The following NLRP11 variants were observed in gnomAD, a reference collection of about 807,000 sequenced individuals.
NLRP11 encodes the protein NACHT, LRR and PYD domains-containing protein 11.
Under a neutral mutation model 79.3 loss-of-function variants are expected in NLRP11, and 53 were observed. The observed-to-expected ratio is 0.67, with a 90% confidence interval of 0.54 to 0.84. The LOEUF (loss-of-function observed/expected upper bound fraction) is 0.84, where lower values mean the gene tolerates loss of function less well. Ranked by LOEUF, NLRP11 falls within the 40% of genes least tolerant of loss-of-function variation. The probability of loss-of-function intolerance (pLI) is 0.00; values close to 1 mark genes in which losing one functional copy is unlikely to be tolerated. For synonymous variants in NLRP11, 518 were observed against 462.6 expected (o/e 1.12, Z -1.54); for missense variants, 1,264 against 1,255.0 (o/e 1.01, Z -0.11).
intron 4 of NLRP11, among the ~76,000 whole-genome samples, chr19:55,803,862 A>T (rs1034230280): frequency 6.6e-6 from 1 of 152,204 alleles, no homozygotes; most frequent in Non-Finnish European, 1.5e-5. Context: ...TGGGTGGATC[A>T]CTTGAGGTCA....
chr19:55,816,088 A>G (rs1205221097), intron 2 of NLRP11, among the ~76,000 whole-genome samples: 3 of 152,224 alleles, frequency 2.0e-5, no homozygotes, highest in Admixed American at 2.0e-4. Flanking sequence ...ATATTGTATA[A>G]AAGTTGTCTT....
chr19:55,786,559 C>A (rs973825981), intron 9 of NLRP11, among the ~76,000 whole-genome samples: 1 of 152,082 alleles, frequency 6.6e-6, no homozygotes, highest in Non-Finnish European at 1.5e-5. Context: ...AACAGAGGCA[C>A]ACTTACACCG....
At chr19:55,816,519 T>G (rs1370361774) in intron 2 of NLRP11, among the ~76,000 whole-genome samples, 1 of 152,152 alleles carries the variant, frequency 6.6e-6, no homozygotes, top group Non-Finnish European at 1.5e-5. Context: ...GAATACATGA[T>G]TTTATCTATT....
At chr19:55,829,997 G>T (rs986694217) in intron 1 of NLRP11, among the ~76,000 whole-genome samples, 1 of 152,132 alleles carries the variant, frequency 6.6e-6, no homozygotes, top group Non-Finnish European at 1.5e-5. Flanking sequence ...TTTCTAGGCT[G>T]CCTGGTTCAT....
upstream of NLRP11, among the ~76,000 whole-genome samples, chr19:55,834,287 C>T (rs926624954): frequency 6.6e-6 from 1 of 152,044 alleles, no homozygotes; most frequent in Non-Finnish European, 1.5e-5. Context: ...TAAAGCACTT[C>T]TTCATGCAAA....
rs114294462 is a variant in NLRP11 at position 55,788,877 on chromosome 19, A to G, written c.2785T>C (p.Leu929=). The G allele has an allele frequency of 2.3e-4, 366 of 1,613,874 alleles. 1 individual carries two copies. In the African/African-American group the frequency reaches 2.9e-3, roughly 13 times the overall value. Residue 929 remains leucine (L), a synonymous_variant, in exon 9 of 10, where the codon TTG becomes CTG. Coordinates refer to ENST00000589093, the Ensembl canonical transcript of NLRP11. ...AGTTTTGCAACTCCATCATTGCCCA[A>G]GTGATTTTGAAGCAAGTTGAGTCTT... is the stretch of plus-strand genomic sequence containing the variant.
Position 55,809,725 on chromosome 19 carries a change from G to A in NLRP11, c.885C>T (p.Cys295=), listed in dbSNP as rs137923730. 795 of 1,614,198 alleles carry A rather than the reference G, an allele frequency of 4.9e-4. 9 individuals carry two copies. The South Asian group carries it at 8.2e-3, about 17-fold the overall frequency. ...TCCCATTCGACAGCTGCAAGGTCGT[G>A]CAGCAATCTACCTCTTTCAAGAACG... The change falls in exon 3 of 10, where the codon TGC becomes TGT. Residue 295 remains cysteine (C), a synonymous_variant. Coordinates refer to ENST00000589093, the Ensembl canonical transcript of NLRP11. This position sits in a 1 kb window ranked among gnomAD's most constrained non-coding sequence, Gnocchi z 4.5.
At chr19:55,799,406 T>C (rs1979255730) in intron 5 of NLRP11, among the ~76,000 whole-genome samples, 1 of 152,054 alleles carries the variant, frequency 6.6e-6, no homozygotes. Context: ...AGAAGGGGTA[T>C]AGAAAAGACA....
At chr19:55,786,720 T>C (rs550523656) in intron 9 of NLRP11, among the ~76,000 whole-genome samples, 2 of 152,310 alleles carry the variant, frequency 1.3e-5, no homozygotes, top group South Asian at 4.1e-4. Context: ...TTAGTTTTTT[T>C]TGAGCACCTA....
At chr19:55,810,476 T>C (rs1472720175) in intron 2 of NLRP11, 138 bp from the exon 3 acceptor site, 4 of 718,310 alleles carry the variant, frequency 5.6e-6, no homozygotes, top group East Asian at 2.7e-5. Flanking sequence ...CACAAAGATA[T>C]AGGTACAAAG....
chr19:55,792,990 A>C (rs1568627972), intron 6 of NLRP11, among the ~76,000 whole-genome samples: 1 of 152,094 alleles, frequency 6.6e-6, no homozygotes, highest in South Asian at 2.1e-4. Context: ...GTGGAAGTTT[A>C]CTCAATCCTA....
At chr19:55,800,825 A>C (rs531142410) in intron 5 of NLRP11, among the ~76,000 whole-genome samples, 1 of 152,180 alleles carries the variant, frequency 6.6e-6, no homozygotes, top group Non-Finnish European at 1.5e-5. Context: ...AATCACATCA[A>C]TAGCTTTTTG....
chr19:55,821,598 T>C (rs961936768), intron 1 of NLRP11, among the ~76,000 whole-genome samples: 1 of 152,056 alleles, frequency 6.6e-6, no homozygotes, highest in Non-Finnish European at 1.5e-5. Context: ...TCTCTTACCT[T>C]GCAGCAGGCA....
At chr19:55,788,870 T>G in exon 9 of NLRP11, 1 of 1,613,606 alleles carries the variant, frequency 6.2e-7, no homozygotes, top group African/African-American at 1.3e-5. Context: ...AACTCCATCA[T>G]TGCCCAAGTG....
intron 4 of NLRP11, among the ~76,000 whole-genome samples, chr19:55,802,040 A>G (rs1165357604): frequency 6.6e-6 from 1 of 152,168 alleles, no homozygotes; most frequent in African/African-American, 2.4e-5. Context: ...ATATTAAGAT[A>G]CATCCACATG....
intron 2 of NLRP11, among the ~76,000 whole-genome samples, chr19:55,815,490 T>C (rs10412144): frequency 0.22 from 31,784 of 146,480 alleles, 5,367 homozygotes; most frequent in African/African-American, 0.48. Context: ...GATTGTTCCA[T>C]TGCATTCCAG....
intron 1 of NLRP11, among the ~76,000 whole-genome samples, chr19:55,828,688 T>A (rs910241504): frequency 6.6e-6 from 1 of 152,214 alleles, no homozygotes; most frequent in East Asian, 1.9e-4. Flanking sequence ...TCCATCACTA[T>A]ACAAACAAAA....
intron 5 of NLRP11, among the ~76,000 whole-genome samples, chr19:55,797,628 C>T (rs1156850987): frequency 6.6e-6 from 1 of 152,184 alleles, no homozygotes. Context: ...ATGTATTCTA[C>T]TTCCTTATGG....
exon 5 of NLRP11, chr19:55,801,699 G>A: frequency 1.9e-6 from 3 of 1,614,076 alleles, no homozygotes; most frequent in Non-Finnish European, 2.5e-6. Flanking sequence ...AAAGCCTTGA[G>A]TAAGTCTTCA....
Sources: gnomAD v4.1 joint callset for allele counts (sites outside exome capture counted in the v4.1 genomes callset) on GRCh38, gnomAD v4.1.1 for gene constraint, Gnocchi (gnomAD v3.1) non-coding constraint, MANE v1.5 for transcripts, NCBI Gene and HGNC (gene_info 2026-07-23, HGNC 2026-07-21) for gene names.